TUSC3: variants seen among roughly 807,000 people sequenced by gnomAD.
TUSC3 encodes tumor suppressor candidate 3, also known as dolichyl-diphosphooligosaccharide--protein glycosyltransferase subunit TUSC3.
A neutral mutation model predicts 44.8 loss-of-function variants in TUSC3; 45 were observed. That is an observed-to-expected ratio of 1.00 (90% CI 0.79 to 1.29). The LOEUF (loss-of-function observed/expected upper bound fraction) is 1.29. Ranked by LOEUF, TUSC3 falls within the 50% of genes most tolerant of loss-of-function variation. The probability of loss-of-function intolerance (pLI) is 0.00; values close to 1 mark genes in which losing one functional copy is unlikely to be tolerated. For synonymous variants in TUSC3, 212 were observed against 152.9 expected, an observed-to-expected ratio of 1.39 and a Z score of -2.85; for missense variants, 519 against 437.9, an observed-to-expected ratio of 1.19 and a Z score of -1.65.
chr8:15,810,063 G>A, the TUSC3 span, among the ~76,000 whole-genome samples: 3 of 152,086 alleles, frequency 2.0e-5, no homozygotes, highest in Admixed American at 1.3e-4. Context: ...CAGGGATCAC[G>A]CTTTTGGTAG....
intron 2 of TUSC3, among the ~76,000 whole-genome samples, chr8:15,637,086 C>G (rs1360690726): frequency 6.6e-6 from 1 of 152,136 alleles, no homozygotes; most frequent in African/African-American, 2.4e-5. Context: ...ACAAAGAACT[C>G]TTCAATATGT....
chr8:15,692,375 G>GTTTTTT lies in TUSC3; in HGVS notation c.798+18558_798+18563dup, dbSNP rs59838929. Among the ~76,000 whole-genome samples the GTTTTTT allele has an allele frequency of 2.9e-3, 201 of 68,324 alleles. 2 individuals carry two copies. Among genetic ancestry groups the GTTTTTT allele is most frequent in the East Asian group, 6.1e-3 (12 of 1,976 alleles). The allele number at this position is 68,324 out of a possible 152,430, so 44.8% of individuals were successfully genotyped here. On this transcript the variant is annotated intron_variant, in intron 6 of 10. Coordinates refer to ENST00000503731, the MANE Select transcript of TUSC3 (RefSeq NM_006765.4). ...GGAGGAGACCCCCCCCCCCCCCTTT[G>GTTTTTT]TTTTTTTTTTTTTTTTTTTTTTTTG... is the stretch of plus-strand genomic sequence containing the variant.
chr8:15,586,818 C>A (rs1352281416), intron 1 of TUSC3, among the ~76,000 whole-genome samples: 1 of 152,072 alleles, frequency 6.6e-6, no homozygotes, highest in Non-Finnish European at 1.5e-5. Flanking sequence ...TAGTTTAATC[C>A]AGTAGTTTTC....
At chr8:15,458,835 A>G (rs146625826) in intron 1 of TUSC3, among the ~76,000 whole-genome samples, 2 of 152,332 alleles carry the variant, frequency 1.3e-5, no homozygotes, top group Admixed American at 6.5e-5. Context: ...TCTAAGTTAT[A>G]TTGAAAAAGC....
At chr8:15,754,777 A>G (rs1811854385) in intron 9 of TUSC3, among the ~76,000 whole-genome samples, 1 of 137,418 alleles carries the variant, frequency 7.3e-6, no homozygotes, top group Non-Finnish European at 1.7e-5. Context: ...CCGTGATCAT[A>G]ATTGTCTTTA....
the TUSC3 span, among the ~76,000 whole-genome samples, chr8:15,838,561 T>TA: frequency 1.3e-5 from 2 of 152,112 alleles, no homozygotes; most frequent in African/African-American, 2.4e-5. Context: ...ACCTTTACTT[T>TA]AAAAAAACTC....
At chr8:15,654,049 A>G (rs528104904) in intron 3 of TUSC3, among the ~76,000 whole-genome samples, 2 of 152,286 alleles carry the variant, frequency 1.3e-5, no homozygotes, top group South Asian at 2.1e-4. Context: ...AAACAGGTCT[A>G]TGTTGTGCTC....
chr8:15,658,410 A>T (rs886449916), intron 3 of TUSC3, among the ~76,000 whole-genome samples: 2 of 152,060 alleles, frequency 1.3e-5, no homozygotes, highest in Non-Finnish European at 2.9e-5. Flanking sequence ...GTACTTGGTT[A>T]TTAAACTTTG....
At chr8:15,678,431 TAATGAAAAA>T (rs1468146166) in intron 6 of TUSC3, among the ~76,000 whole-genome samples, 1 of 151,770 alleles carries the variant, frequency 6.6e-6, no homozygotes, top group African/African-American at 2.4e-5. Flanking sequence ...AGGAAAAAAA[TAATGAAAAA>T]ACCACATTGG....
In TUSC3 at chr8:15,765,259, C is replaced by T. The variant is rs768310139; in HGVS notation, c.*1103C>T. The T allele has an allele frequency of 6.6e-6, 1 of 151,990 alleles. No homozygotes were observed. Among genetic ancestry groups the T allele is most frequent in the Non-Finnish European group, 1.5e-5 (1 of 67,946 alleles). 9.4% of individuals were successfully genotyped at this position (151,990 alleles called of 1,614,324 possible). On this transcript the variant is annotated 3_prime_UTR_variant, in exon 11 of 11. Transcript: ENST00000503731. ...CCAAAAATAAAGTTTATAACCAGGCCTTCAAACTCTCAAACATGGATTTTT... is the reference window on the plus strand; with the variant it reads ...CCAAAAATAAAGTTTATAACCAGGCTTTCAAACTCTCAAACATGGATTTTT...
rs571271959 is a variant in TUSC3 at position 15,639,080 on chromosome 8, G to C, written c.309-11617G>C. Among the ~76,000 whole-genome samples the C allele has an allele frequency of 2.9e-4, 42 of 146,202 alleles. 1 individual carries two copies. The highest frequency in any genetic ancestry group is 5.6e-4 in the Non-Finnish European group (38 of 67,786). On this transcript the variant is annotated intron_variant, in intron 2 of 10. Transcript: ENST00000503731. ...TGATCATGTGCTGATGCTCGATCAC[G>C]TGATGTTCAGGGCTTCAGTGATGAT...
chr8:15,530,065 G>A (rs1801430503), intron 2 of TUSC3, among the ~76,000 whole-genome samples: 3 of 133,738 alleles, frequency 2.2e-5, no homozygotes, highest in East Asian at 2.3e-4. Context: ...GATTACAGGC[G>A]TGAGCCACCG....
chr8:15,434,155 G>A (rs923874700), intron 1 of TUSC3, among the ~76,000 whole-genome samples: 1 of 152,166 alleles, frequency 6.6e-6, no homozygotes, highest in South Asian at 2.1e-4. Flanking sequence ...CATTCTAGTG[G>A]TGTGTAATGG....
intron 2 of TUSC3, among the ~76,000 whole-genome samples, chr8:15,649,873 C>G (rs939411167): frequency 6.6e-6 from 1 of 152,074 alleles, no homozygotes; most frequent in African/African-American, 2.4e-5. Context: ...GGGAGATAAA[C>G]TCTAGAGAAC....
At chr8:15,484,414 A>G (rs1048764376) in intron 2 of TUSC3, among the ~76,000 whole-genome samples, 39 of 152,230 alleles carry the variant, frequency 2.6e-4, no homozygotes, top group Non-Finnish European at 4.6e-4. Context: ...ATTTTTATAA[A>G]GGTACTGAAG....
intron 1 of TUSC3, among the ~76,000 whole-genome samples, chr8:15,580,723 C>T (rs201578429): frequency 0.23 from 22,517 of 98,844 alleles, 1,348 homozygotes; most frequent in East Asian, 0.4. Context: ...GAGGGTAACC[C>T]GACCTTTCTC....
intron 1 of TUSC3, among the ~76,000 whole-genome samples, chr8:15,571,075 G>A (rs1233825355): frequency 6.7e-6 from 1 of 149,108 alleles, no homozygotes; most frequent in Non-Finnish European, 1.5e-5. Flanking sequence ...TCCTGCCCCA[G>A]CCAGAGTAGC....
intron 6 of TUSC3, among the ~76,000 whole-genome samples, chr8:15,720,645 G>A (rs1810268226): frequency 6.6e-6 from 1 of 152,030 alleles, no homozygotes; most frequent in African/African-American, 2.4e-5. Context: ...CAGAGCAAAT[G>A]GATGACATTA....
At chr8:15,741,026 G>A (rs550761232) in intron 7 of TUSC3, among the ~76,000 whole-genome samples, 1 of 152,278 alleles carries the variant, frequency 6.6e-6, no homozygotes, top group African/African-American at 2.4e-5. Flanking sequence ...CAGAGGGAGA[G>A]TAGTAAAAAT....
Sources: gnomAD v4.1 joint callset for allele counts (sites outside exome capture counted in the v4.1 genomes callset) on GRCh38, gnomAD v4.1.1 for gene constraint, MANE v1.5 for transcripts, NCBI Gene and HGNC (gene_info 2026-07-23, HGNC 2026-07-21) for gene names.